BAZ2B: variants seen among roughly 807,000 people sequenced by gnomAD.
BAZ2B encodes bromodomain adjacent to zinc finger domain 2B, also known as bromodomain adjacent to zinc finger domain protein 2B.
In BAZ2B, 91 loss-of-function variants were observed where a neutral mutation model predicts 246.0. The ratio of observed to expected loss-of-function variants is 0.37; its 90% CI spans 0.31 to 0.44. The LOEUF is 0.44. BAZ2B is among the 20% of genes least tolerant of loss of function. The pLI is 1.00. For missense variants in BAZ2B, 2,332 were observed against 2,533.7 expected (o/e 0.92, Z 1.71); for synonymous variants, 855 against 860.0 (o/e 0.99, Z 0.10).
the BAZ2B span, among the ~76,000 whole-genome samples, chr2:159,633,117 G>C: frequency 1.5e-4 from 22 of 150,032 alleles, no homozygotes; most frequent in Non-Finnish European, 2.2e-4. Flanking sequence ...ACTTAGGTAT[G>C]TACTTATAAG....
In BAZ2B at chr2:159,385,316, A is replaced by G. The variant is rs200870368; in HGVS notation, c.3525T>C (p.Asn1175=). The G allele has an allele frequency of 1.9e-6, 3 of 1,613,260 alleles. No homozygotes were observed. The highest frequency in any genetic ancestry group is 1.3e-5 in the African/African-American group (1 of 74,964). The change falls in exon 23 of 37, where the codon AAT becomes AAC. Residue 1175 remains asparagine (N), a synonymous_variant. Transcript: ENST00000392783. ...TAAATATCTGTAAAATCTCGGAAAC[A>G]TTGTCTCGATTCACACCAACATTCA... ...HLLNVGVNRD[N]VSEILQIFME... is the part of the protein sequence containing the mutation.
chr2:159,623,316 A>G, the BAZ2B span, among the ~76,000 whole-genome samples: 1 of 152,078 alleles, frequency 6.6e-6, no homozygotes, highest in East Asian at 1.9e-4. Flanking sequence ...GTTGTAATGC[A>G]CTATAACTAA....
intron 13 of BAZ2B, among the ~76,000 whole-genome samples, chr2:159,421,176 T>C (rs1287674039): frequency 6.7e-6 from 1 of 149,262 alleles, no homozygotes; most frequent in East Asian, 1.9e-4. Context: ...TTCTTTACAT[T>C]TTTTTTTTTT....
intron 2 of BAZ2B, among the ~76,000 whole-genome samples, chr2:159,501,214 TTA>T (rs1349163135): frequency 9.2e-6 from 1 of 108,862 alleles, no homozygotes; most frequent in Non-Finnish European, 1.8e-5. Flanking sequence ...TTTATATATA[TTA>T]TATATATATT....
chr2:159,390,546 C>T (rs904246790), intron 20 of BAZ2B, among the ~76,000 whole-genome samples: 34 of 152,068 alleles, frequency 2.2e-4, no homozygotes, highest in African/African-American at 7.5e-4. Flanking sequence ...TATTTTTGCC[C>T]ATATTCTAAT....
the BAZ2B span, among the ~76,000 whole-genome samples, chr2:159,707,826 C>CA: frequency 3.7e-4 from 55 of 150,146 alleles, no homozygotes; most frequent in Admixed American, 7.3e-4. Flanking sequence ...GACTCCATCT[C>CA]AAAAAAAAGA....
At chr2:159,491,481 G>A (rs1418711452) in intron 2 of BAZ2B, among the ~76,000 whole-genome samples, 1 of 151,706 alleles carries the variant, frequency 6.6e-6, no homozygotes, top group Non-Finnish European at 1.5e-5. Flanking sequence ...AGCACTTTGG[G>A]AGGCCGAGGC....
chr2:159,699,147 T>TA, the BAZ2B span, among the ~76,000 whole-genome samples: 1 of 152,192 alleles, frequency 6.6e-6, no homozygotes, highest in South Asian at 2.1e-4. Flanking sequence ...GCTGATAACA[T>TA]ACAATCTCCC....
At chr2:159,663,302 A>T in the BAZ2B span, among the ~76,000 whole-genome samples, 1 of 151,592 alleles carries the variant, frequency 6.6e-6, no homozygotes, top group South Asian at 2.1e-4. Context: ...CCCAGGCTCA[A>T]GCAATTCTCC....
chr2:159,551,456 G>T (rs1474855971), intron 2 of BAZ2B, among the ~76,000 whole-genome samples: 1 of 108,438 alleles, frequency 9.2e-6, no homozygotes, highest in Non-Finnish European at 1.7e-5. Context: ...GTGACAGTGA[G>T]ACTCAGACTC....
intron 2 of BAZ2B, among the ~76,000 whole-genome samples, chr2:159,533,065 C>T (rs1392391172): frequency 1.3e-5 from 2 of 152,050 alleles, no homozygotes; most frequent in African/African-American, 4.8e-5. Flanking sequence ...ATTAATATGG[C>T]AATCTAAGCA....
chr2:159,578,738 T>C (rs182201729), intron 1 of BAZ2B, among the ~76,000 whole-genome samples: 7 of 152,272 alleles, frequency 4.6e-5, no homozygotes, highest in African/African-American at 1.4e-4. Flanking sequence ...AGGACCACAG[T>C]GCAATCAAAC....
chr2:159,458,177 T>A (rs1477772277), intron 3 of BAZ2B: 2 of 151,508 alleles, frequency 1.3e-5, no homozygotes, highest in African/African-American at 2.4e-5. Flanking sequence ...CCAGCTAATT[T>A]TTTTGTATTT....
At chr2:159,628,700 C>T in the BAZ2B span, among the ~76,000 whole-genome samples, 1 of 152,272 alleles carries the variant, frequency 6.6e-6, no homozygotes, top group Admixed American at 6.5e-5. Context: ...AACGTAAGAC[C>T]TAAAACCATA....
intron 27 of BAZ2B, among the ~76,000 whole-genome samples, chr2:159,365,367 T>G (rs915344912): frequency 7.2e-5 from 11 of 152,206 alleles, no homozygotes; most frequent in Non-Finnish European, 1.5e-4. Context: ...CCCTCCACTT[T>G]GGTGAAGTTC....
chr2:159,422,324 C>T (rs950075894), intron 13 of BAZ2B, among the ~76,000 whole-genome samples: 5 of 152,124 alleles, frequency 3.3e-5, no homozygotes, highest in African/African-American at 1.2e-4. Context: ...AGGCATCACA[C>T]TTACCTGACT....
intron 16 of BAZ2B, among the ~76,000 whole-genome samples, chr2:159,404,084 T>C (rs2065518375): frequency 6.6e-6 from 1 of 152,134 alleles, no homozygotes; most frequent in South Asian, 2.1e-4. Context: ...CATAATTGAT[T>C]TCATTTCATT....
chr2:159,486,825 C>T (rs900108570), intron 2 of BAZ2B, among the ~76,000 whole-genome samples: 2 of 151,872 alleles, frequency 1.3e-5, no homozygotes, highest in African/African-American at 4.8e-5. Flanking sequence ...AAAATCTTTA[C>T]TAGATTACTA....
At chr2:159,624,220 A>G in the BAZ2B span, among the ~76,000 whole-genome samples, 2 of 152,216 alleles carry the variant, frequency 1.3e-5, no homozygotes, top group Non-Finnish European at 2.9e-5. Context: ...TATAACCCCC[A>G]ACTCCCTGGG....
Sources: gnomAD v4.1 joint callset for allele counts (sites outside exome capture counted in the v4.1 genomes callset) on GRCh38, gnomAD v4.1.1 for gene constraint, MANE v1.5 for transcripts, NCBI Gene and HGNC (gene_info 2026-07-23, HGNC 2026-07-21) for gene names.